MED14: variants seen among roughly 807,000 people sequenced by gnomAD.
MED14 encodes mediator complex subunit 14.
A neutral mutation model predicts 109.0 loss-of-function variants in MED14; 8 were observed. The ratio of observed to expected loss-of-function variants is 0.07; its 90% CI spans 0.04 to 0.13. The LOEUF is 0.13. MED14 is among the 10% of genes least tolerant of loss of function. The pLI, the probability that MED14 is intolerant of heterozygous loss-of-function variation, is 1.00. For synonymous variants in MED14, 399 were observed against 408.7 expected, an observed-to-expected ratio of 0.98 and a Z score of 0.29; for missense variants, 711 against 1,142.4, an observed-to-expected ratio of 0.62 and a Z score of 5.44.
chrX:40,688,165 C>T (rs1388371820), intron 16 of MED14, among the ~76,000 whole-genome samples: 2 of 111,706 alleles, frequency 1.8e-5, no homozygotes, highest in African/African-American at 6.5e-5. Context: ...TGGGAGGCTG[C>T]AGTGAGCCAA....
At chrX:40,705,722 TGTGAAGA>T (rs1393693498) in intron 10 of MED14, among the ~76,000 whole-genome samples, 9 of 111,454 alleles carry the variant, frequency 8.1e-5, no homozygotes, top group Non-Finnish European at 1.7e-4. Flanking sequence ...GAATATAAAG[TGTGAAGA>T]GTGAAGAGCG....
chrX:40,688,442 A>T lies in MED14; in HGVS notation c.2057+12T>A. 1 of 1,178,442 alleles carries T rather than the reference A, an allele frequency of 8.5e-7. No homozygotes were observed. Among genetic ancestry groups the T allele is most frequent in the Non-Finnish European group, 1.2e-6 (1 of 865,308 alleles). On this transcript the variant is annotated intron_variant, in intron 16 of 30. Transcript: ENST00000324817. ...CATGTGGCACCAAGTGAAACATATG[A>T]CAGGGGCTTACTTTAATAAGCGAAT...
At chrX:40,671,316 A>G (rs954261343) in intron 23 of MED14, among the ~76,000 whole-genome samples, 33 of 111,877 alleles carry the variant, frequency 2.9e-4, no homozygotes, top group African/African-American at 1.0e-3. Context: ...GGCATTCTCA[A>G]GCACTTTTAC....
rs35103655 is a variant in MED14, at chrX:40,670,767, C to CAA, written c.3133+1092_3133+1093dup. On this transcript the variant is annotated intron_variant, in intron 23 of 30. Transcript: ENST00000324817. ...TGGGCGACAGAGCGAGACTCTGTCT[C>CAA]AAAAAAAAAAAAAAATAAAAAAAAT... Among the ~76,000 whole-genome samples, 345 of 79,168 alleles carry CAA rather than the reference C, an allele frequency of 4.4e-3. 3 individuals are homozygous for CAA. The highest frequency in any genetic ancestry group is 0.017 in the African/African-American group (328 of 19,313). The allele number at this position is 79,168 out of a possible 115,157, so 68.7% of individuals were successfully genotyped here.
intron 3 of MED14, among the ~76,000 whole-genome samples, chrX:40,723,090 T>C (rs984038039): frequency 8.9e-6 from 1 of 112,147 alleles, no homozygotes; most frequent in Admixed American, 9.4e-5. Context: ...AACACTGTAA[T>C]TGTACTATGT....
intron 8 of MED14, 147 bp from the exon 9 acceptor site, chrX:40,710,276 T>C (rs1242978994): frequency 1.6e-5 from 6 of 368,301 alleles, no homozygotes; most frequent in Admixed American, 5.6e-5. Context: ...AATGGGAAGA[T>C]AGCTATTCTG....
Position 40,651,600 on chromosome X carries a change from T to C in MED14, c.*206A>G, listed in dbSNP as rs767503494. On this transcript the variant is annotated 3_prime_UTR_variant, in exon 31 of 31. Transcript: ENST00000324817. ...TTTATTTCCTTTGAAATGTGTCCCA[T>C]TTAAACACACTATACAAGTTCATTA... is the stretch of plus-strand genomic sequence containing the variant. 25 of 966,500 alleles carry C rather than the reference T, an allele frequency of 2.6e-5. No homozygotes were observed. The East Asian group carries it at 9.2e-4, about 36-fold the overall frequency. The allele number at this position is 966,500 out of a possible 1,213,427, so 79.7% of individuals were successfully genotyped here. A position where few individuals can be genotyped will look rare whatever the true frequency, so the allele number is the denominator to read the frequency against.
At chrX:40,691,241 G>A (rs183638804) in intron 15 of MED14, among the ~76,000 whole-genome samples, 10 of 112,013 alleles carry the variant, frequency 8.9e-5, no homozygotes. Context: ...TCTCCCATGT[G>A]AGAAAAGTAA....
intron 19 of MED14, 98 bp downstream of exon 19, chrX:40,681,754 T>C: frequency 2.2e-6 from 1 of 457,456 alleles, no homozygotes; most frequent in Non-Finnish European, 3.7e-6. Flanking sequence ...TAACTTTTAC[T>C]TGAGCTCTTA....
In MED14 at chrX:40,677,553, T is replaced by A. The variant is rs1472124328; in HGVS notation, c.2881-2192A>T. Among the ~76,000 whole-genome samples, 255 of 110,479 alleles carry A rather than the reference T, an allele frequency of 2.3e-3. 1 individual carries two copies. The highest frequency in any genetic ancestry group is 4.2e-3 in the Non-Finnish European group (222 of 52,668). On this transcript the variant is annotated intron_variant, in intron 21 of 30. Coordinates refer to ENST00000324817, the MANE Select transcript of MED14 (RefSeq NM_004229.4). ...TAATAGAATGTTTAAAATAAACATT[T>A]AGAAACAAAAAAAACCTTTTGAAAA...
chrX:40,714,928 T>C, intron 3 of MED14: 1 of 342,427 alleles, frequency 2.9e-6, no homozygotes, highest in Non-Finnish European at 5.0e-6. Flanking sequence ...TCACTTTAAG[T>C]AAAAGCTTTC....
intron 22 of MED14, among the ~76,000 whole-genome samples, chrX:40,675,019 G>A (rs1389626239): frequency 1.8e-5 from 2 of 112,656 alleles, no homozygotes; most frequent in Non-Finnish European, 3.8e-5. Context: ...AATGACCTGA[G>A]ATTAATGCTG....
intron 13 of MED14, among the ~76,000 whole-genome samples, chrX:40,693,471 C>T (rs952846030): frequency 8.9e-6 from 1 of 111,756 alleles, no homozygotes; most frequent in Non-Finnish European, 1.9e-5. Context: ...TAAGCTGTGA[C>T]TTGCTCCTCC....
At chrX:40,692,155 G>A (rs368752055) in intron 15 of MED14, 28 bp downstream of exon 15, 2 of 1,185,428 alleles carry the variant, frequency 1.7e-6, no homozygotes, top group Admixed American at 2.3e-5. Flanking sequence ...TTCATTTGGG[G>A]TATCCAGAAC....
rs762064509 is a variant in MED14 at position 40,648,615 on chromosome X, T to C, written c.*3191A>G. 8.9e-6 allele frequency: 1 copy of C among 112,834 alleles called. No individual in the cohort carries two copies. The highest frequency in any genetic ancestry group is 9.4e-5 in the Admixed American group (1 of 10,672). 9.3% of individuals were successfully genotyped at this position (112,834 alleles called of 1,213,427 possible). A position where few individuals can be genotyped will look rare whatever the true frequency, so the allele number is the denominator to read the frequency against. On this transcript the variant is annotated 3_prime_UTR_variant, in exon 31 of 31. Transcript: ENST00000324817. ...TGTGAGGATTAAATACACATTGAAA[T>C]ATTAAGAAAATGCCTAGCACACAGT...
chrX:40,683,098 A>G, intron 16 of MED14, 102 bp from the exon 17 acceptor site: 1 of 630,140 alleles, frequency 1.6e-6, no homozygotes, highest in Admixed American at 3.5e-5. Flanking sequence ...TTCAAACTCC[A>G]CTTCTAGATA....
At chrX:40,712,626 G>A (rs1931375930) in intron 6 of MED14, among the ~76,000 whole-genome samples, 1 of 111,070 alleles carries the variant, frequency 9.0e-6, no homozygotes, top group Non-Finnish European at 1.9e-5. Flanking sequence ...ACCTCCCTGG[G>A]CTCAGGTGAT....
At chrX:40,654,205 G>A (rs746758236) in intron 30 of MED14, 159 bp downstream of exon 30, 8 of 443,827 alleles carry the variant, frequency 1.8e-5, no homozygotes, top group African/African-American at 1.7e-4. Context: ...GGAAGAAAGC[G>A]ACAGGCAGAC....
intron 24 of MED14, among the ~76,000 whole-genome samples, chrX:40,666,472 C>CA (rs1929488755): frequency 9.1e-6 from 1 of 109,939 alleles, no homozygotes; most frequent in South Asian, 3.9e-4. Context: ...GCAAGCAGGG[C>CA]ATGTGTGACA....
Sources: allele counts gnomAD v4.1 joint callset (sites outside exome capture counted in the v4.1 genomes callset), GRCh38; gene constraint gnomAD v4.1.1; transcripts MANE v1.5; gene names NCBI Gene and HGNC (gene_info 2026-07-23, HGNC 2026-07-21).